Variants in DTNBP1 observed in about 807,000 individuals in gnomAD.
The protein encoded by DTNBP1 is dysbindin.
In DTNBP1, 35 loss-of-function variants were observed where a neutral mutation model predicts 42.8. That is an observed-to-expected ratio of 0.82 (90% CI 0.63 to 1.09). DTNBP1 has a LOEUF of 1.09. Among genes scored for constraint, DTNBP1 ranks in the 50% least tolerant of loss-of-function variants. The probability of loss-of-function intolerance (pLI) is 0.00; values close to 1 mark genes in which losing one functional copy is unlikely to be tolerated. For synonymous variants in DTNBP1, 171 were observed against 162.2 expected, an observed-to-expected ratio of 1.05 and a Z score of -0.41; for missense variants, 457 against 424.2, an observed-to-expected ratio of 1.08 and a Z score of -0.68.
At chr6:15,523,932 C>T (rs1233763295) in intron 9 of DTNBP1, 23 of 1,287,234 alleles carry the variant, frequency 1.8e-5, no homozygotes, top group Non-Finnish European at 2.3e-5. Context: ...CTGAGCTTTG[C>T]CTTGACCCAG....
At chr6:15,653,500 C>A (rs888894018) in intron 1 of DTNBP1, among the ~76,000 whole-genome samples, 2 of 152,140 alleles carry the variant, frequency 1.3e-5, no homozygotes, top group Non-Finnish European at 2.9e-5. Context: ...TAAATTATTG[C>A]ACTGGAAAAC....
chr6:15,658,084 GT>G (rs1469151857), intron 1 of DTNBP1, among the ~76,000 whole-genome samples: 1 of 152,192 alleles, frequency 6.6e-6, no homozygotes, highest in East Asian at 1.9e-4. Flanking sequence ...GACAGAGACT[GT>G]TTTAGACACC....
At chr6:15,577,522 G>A (rs924767469) in intron 7 of DTNBP1, among the ~76,000 whole-genome samples, 10 of 152,256 alleles carry the variant, frequency 6.6e-5, no homozygotes, top group African/African-American at 2.2e-4. Flanking sequence ...GAGGACTCAT[G>A]CAGCATTTTT....
intron 6 of DTNBP1, among the ~76,000 whole-genome samples, chr6:15,614,886 A>G (rs1016092845): frequency 6.6e-6 from 1 of 152,192 alleles, no homozygotes. Flanking sequence ...GCCCCTTTCC[A>G]CAGCCTGAGC....
chr6:15,655,638 G>A (rs1761236761), intron 1 of DTNBP1, among the ~76,000 whole-genome samples: 1 of 75,564 alleles, frequency 1.3e-5, no homozygotes. Flanking sequence ...GTAAAACGAA[G>A]TTAAAAAAAA....
intron 6 of DTNBP1, among the ~76,000 whole-genome samples, chr6:15,604,889 C>T (rs923337504): frequency 6.6e-6 from 1 of 152,152 alleles, no homozygotes; most frequent in Non-Finnish European, 1.5e-5. Context: ...GCAGCAGCGA[C>T]CACCACTTCT....
chr6:15,585,064 AATATAT>A (rs59261831), intron 7 of DTNBP1, among the ~76,000 whole-genome samples: 2,763 of 118,394 alleles, frequency 0.023, 63 homozygotes, highest in Non-Finnish European at 0.026. Flanking sequence ...TTATGAAAAG[AATATAT>A]ATATATATAT....
At chr6:15,586,204 T>C (rs1190371410) in intron 7 of DTNBP1, among the ~76,000 whole-genome samples, 1 of 152,184 alleles carries the variant, frequency 6.6e-6, no homozygotes, top group East Asian at 1.9e-4. Context: ...GTTCATTTCA[T>C]AACACACAAG....
intron 3 of DTNBP1, among the ~76,000 whole-genome samples, chr6:15,644,135 C>T (rs1257319060): frequency 2.0e-5 from 3 of 149,608 alleles, no homozygotes; most frequent in East Asian, 3.9e-4. Flanking sequence ...GAGGTTGCTA[C>T]TCTTGTATCA....
chr6:15,596,440 A>T (rs573517719), intron 6 of DTNBP1, among the ~76,000 whole-genome samples: 2 of 152,130 alleles, frequency 1.3e-5, no homozygotes, highest in Non-Finnish European at 2.9e-5. Flanking sequence ...CAACACCACC[A>T]ACAATCATCA....
At chr6:15,585,858 T>C (rs952284629) in intron 7 of DTNBP1, 41 of 1,455,364 alleles carry the variant, frequency 2.8e-5, no homozygotes, top group Non-Finnish European at 3.1e-5. Context: ...TTCTGGGATG[T>C]AGAACAAAGG....
chr6:15,636,176 A>C (rs1760007281), intron 4 of DTNBP1, among the ~76,000 whole-genome samples: 1 of 57,560 alleles, frequency 1.7e-5, no homozygotes, highest in African/African-American at 1.1e-4. Flanking sequence ...TTTTTTTGAG[A>C]CAGAGTTTCT....
intron 4 of DTNBP1, among the ~76,000 whole-genome samples, chr6:15,633,076 C>T (rs997483586): frequency 6.6e-6 from 1 of 152,168 alleles, no homozygotes; most frequent in Non-Finnish European, 1.5e-5. Flanking sequence ...AAATTGTCTA[C>T]ACACTGAGGC....
At position 15,595,171 on chromosome 6, in the gene DTNBP1, C is replaced by T. The variant is rs1163370412; in HGVS notation, c.489-2090G>A. On this transcript the variant is annotated intron_variant, in intron 6 of 9. Coordinates refer to ENST00000344537, the MANE Select transcript of DTNBP1 (RefSeq NM_032122.5). The stretch of plus-strand genomic sequence containing the variant: ...CCCTTCAGAAAATCATTCCTGTACC[C>T]AATTCCTAAAACAGATGACTGCTTG... The T allele has an allele frequency of 1.5e-5, 7 of 455,474 alleles. No individual in the cohort carries two copies. In the Admixed American group the frequency reaches 1.6e-4, roughly 11 times the overall value. The allele number at this position is 455,474 out of a possible 1,614,324, so 28.2% of individuals were successfully genotyped here.
At chr6:15,598,932 G>A (rs887270536) in intron 6 of DTNBP1, among the ~76,000 whole-genome samples, 8 of 151,760 alleles carry the variant, frequency 5.3e-5, no homozygotes, top group African/African-American at 1.9e-4. Flanking sequence ...ATCTATTTTG[G>A]GCAAATACAG....
intron 1 of DTNBP1, among the ~76,000 whole-genome samples, chr6:15,655,243 T>C (rs1457322633): frequency 6.6e-6 from 1 of 152,064 alleles, no homozygotes; most frequent in Non-Finnish European, 1.5e-5. Context: ...CACCTTAGCC[T>C]CTCAAGTAGC....
At chr6:15,586,199 T>C (rs1212697171) in intron 7 of DTNBP1, among the ~76,000 whole-genome samples, 1 of 152,184 alleles carries the variant, frequency 6.6e-6, no homozygotes, top group African/African-American at 2.4e-5. Context: ...ATATAGTTCA[T>C]TTCATAACAC....
Position 15,587,441 on chromosome 6 carries a change from A to G in DTNBP1, c.511+5618T>C, listed in dbSNP as rs1357247013. Among the ~76,000 whole-genome samples, 1 of 152,256 alleles carries G rather than the reference A, an allele frequency of 6.6e-6. No homozygotes were observed. Among genetic ancestry groups the G allele is most frequent in the East Asian group, 1.9e-4 (1 of 5,198 alleles). On this transcript the variant is annotated intron_variant, in intron 7 of 9. Coordinates refer to ENST00000344537, the MANE Select transcript of DTNBP1 (RefSeq NM_032122.5). This position sits in a 1 kb window ranked among gnomAD's most constrained non-coding sequence, Gnocchi z 4.1. ...TATGAAAAGACGAAGGACCTTAAAT[A>G]TTAAATAGTCAAACCAATTTTAAAA...
chr6:15,608,271 T>TA (rs35399612), intron 6 of DTNBP1, among the ~76,000 whole-genome samples: 8 of 151,136 alleles, frequency 5.3e-5, no homozygotes, highest in South Asian at 2.1e-4. Context: ...TTGCTTGGTT[T>TA]AAAAAAAAAC....
Sources: allele counts gnomAD v4.1 joint callset (sites outside exome capture counted in the v4.1 genomes callset), GRCh38; gene constraint gnomAD v4.1.1; non-coding constraint Gnocchi (gnomAD v3.1); transcripts MANE v1.5; gene names NCBI Gene and HGNC (gene_info 2026-07-23, HGNC 2026-07-21).